The following RANBP3 variants were observed in gnomAD, a reference collection of about 807,000 sequenced individuals.
RANBP3 encodes the protein ran-binding protein 3.
Under a neutral mutation model 77.3 loss-of-function variants are expected in RANBP3, and 14 were observed. That is an observed-to-expected ratio of 0.18 (90% CI 0.12 to 0.28). The LOEUF (loss-of-function observed/expected upper bound fraction) is 0.28. Among genes scored for constraint, RANBP3 ranks in the 10% least tolerant of loss-of-function variants. The probability of loss-of-function intolerance (pLI) is 1.00; values close to 1 mark genes in which losing one functional copy is unlikely to be tolerated. For synonymous variants in RANBP3, 315 were observed against 312.4 expected (o/e 1.01, Z -0.09); for missense variants, 586 against 752.3 (o/e 0.78, Z 2.59).
At chr19:5,925,036 G>C in intron 10 of RANBP3, 131 bp from the exon 11 acceptor site, 1 of 830,012 alleles carries the variant, frequency 1.2e-6, no homozygotes, top group Non-Finnish European at 2.1e-6. Flanking sequence ...TGCACGGGGT[G>C]GCGTGTCAGA....
At chr19:5,930,304 C>T (rs763944342) in intron 8 of RANBP3, among the ~76,000 whole-genome samples, 7 of 152,248 alleles carry the variant, frequency 4.6e-5, no homozygotes, top group Admixed American at 1.3e-4. Context: ...TAATTGTGGA[C>T]AGCCATTTTC....
Position 5,917,817 on chromosome 19 carries a change from G to A in RANBP3, c.1637C>T (p.Ala546Val). ...EDDSDDDDVL[A>V]PSGATAAGAG... ...ACCAGCTGCGGTGGCCCCTGAAGGA[G>A]CCAGGACATCGTCATCGTCGCTGTC... Residue 546 changes from alanine (A) to valine (V), a missense_variant, in exon 16 of 17, where the codon GCT becomes GTT. Coordinates refer to ENST00000340578, the MANE Select transcript of RANBP3 (RefSeq NM_007322.3). 6.2e-7 allele frequency: 1 copy of A among 1,611,690 alleles called. No individual in the cohort carries two copies. The highest frequency in any genetic ancestry group is 8.5e-7 in the Non-Finnish European group (1 of 1,179,356).
At chr19:5,961,671 T>G (rs2058404048) in intron 1 of RANBP3, among the ~76,000 whole-genome samples, 2 of 152,102 alleles carry the variant, frequency 1.3e-5, no homozygotes. Flanking sequence ...ACGCAGAGGT[T>G]GCAGTGAGCT....
At position 5,958,462 on chromosome 19, in the gene RANBP3, A is replaced by C. The variant is rs78859616; in HGVS notation, c.23-489T>G. On this transcript the variant is annotated intron_variant, in intron 1 of 16. Coordinates refer to ENST00000340578, the MANE Select transcript of RANBP3 (RefSeq NM_007322.3). This position sits in a 1 kb window ranked among gnomAD's most constrained non-coding sequence, Gnocchi z 4.4. ...ATCCTAACGCTCAACCTGGATCTCTAAGTGAGTGCTGGTTGGGAGGAAAGG... is the reference window on the plus strand; with the variant it reads ...ATCCTAACGCTCAACCTGGATCTCTCAGTGAGTGCTGGTTGGGAGGAAAGG... Among the ~76,000 whole-genome samples, 1 of 152,234 alleles carries C rather than the reference A, an allele frequency of 6.6e-6. No homozygotes were observed. The highest frequency in any genetic ancestry group is 1.5e-5 in the Non-Finnish European group (1 of 68,040).
chr19:5,948,926 G>A (rs1233870672), intron 3 of RANBP3, among the ~76,000 whole-genome samples: 1 of 152,180 alleles, frequency 6.6e-6, no homozygotes, highest in African/African-American at 2.4e-5. Context: ...ATCGGGATGT[G>A]GTTTGGTCTT....
chr19:5,927,126 C>T (rs2057921766), intron 9 of RANBP3, among the ~76,000 whole-genome samples: 1 of 152,116 alleles, frequency 6.6e-6, no homozygotes, highest in Non-Finnish European at 1.5e-5. Flanking sequence ...AAAGAAGCTT[C>T]TTGCCAGTGG....
intron 2 of RANBP3, among the ~76,000 whole-genome samples, chr19:5,957,080 C>T (rs1057476032): frequency 3.3e-5 from 5 of 151,772 alleles, no homozygotes; most frequent in East Asian, 3.9e-4. Context: ...TGGGGAGTGC[C>T]GTCGCTGGGC....
chr19:5,966,732 T>C (rs1209866705), intron 1 of RANBP3, among the ~76,000 whole-genome samples: 1 of 152,204 alleles, frequency 6.6e-6, no homozygotes, highest in Non-Finnish European at 1.5e-5. Flanking sequence ...ATCTGGAATA[T>C]CTTTGCTTTT....
chr19:5,962,883 TC>T (rs2058421536), intron 1 of RANBP3, among the ~76,000 whole-genome samples: 1 of 152,052 alleles, frequency 6.6e-6, no homozygotes, highest in African/African-American at 2.4e-5. Flanking sequence ...TCGTAGCCAT[TC>T]CCTATCACCA....
chr19:5,977,327 T>A (rs1219261052), intron 1 of RANBP3, among the ~76,000 whole-genome samples: 1 of 151,860 alleles, frequency 6.6e-6, no homozygotes, highest in Non-Finnish European at 1.5e-5. Context: ...TGTAACCTTG[T>A]CAAAAACACT....
At chr19:5,954,885 G>A (rs762029139) in intron 2 of RANBP3, among the ~76,000 whole-genome samples, 47 of 152,334 alleles carry the variant, frequency 3.1e-4, no homozygotes, top group Middle Eastern at 6.8e-3. Flanking sequence ...CCCAGTGGCA[G>A]AAAGGACTCT....
intron 1 of RANBP3, among the ~76,000 whole-genome samples, chr19:5,966,438 T>C (rs1381059289): frequency 6.6e-6 from 1 of 152,232 alleles, no homozygotes; most frequent in Non-Finnish European, 1.5e-5. Flanking sequence ...CTGCTTTCTG[T>C]CTTCATCTGT....
At chr19:5,944,667 TGTGCAG>T (rs1432963084) in intron 3 of RANBP3, among the ~76,000 whole-genome samples, 1 of 152,256 alleles carries the variant, frequency 6.6e-6, no homozygotes, top group African/African-American at 2.4e-5. Flanking sequence ...CCAAATGCTC[TGTGCAG>T]GTCACTGTCT....
chr19:5,917,552 T>C lies in RANBP3; in HGVS notation c.*58A>G. On this transcript the variant is annotated 3_prime_UTR_variant, in exon 17 of 17. Transcript: ENST00000340578. ...ACGCTGCCGGTGGGGTGGGGGCGGG[T>C]GGGCGGGTGGATAGACGGACAAAGC... The C allele has an allele frequency of 7.6e-7, 1 of 1,318,718 alleles. No homozygotes were observed. The highest frequency in any genetic ancestry group is 3.0e-5 in the East Asian group (1 of 33,708). The allele number at this position is 1,318,718 out of a possible 1,614,324, so 81.7% of individuals were successfully genotyped here.
At chr19:5,932,392 G>A (rs1024362091) in intron 7 of RANBP3, 60 bp downstream of exon 7, 6 of 1,417,778 alleles carry the variant, frequency 4.2e-6, no homozygotes, top group South Asian at 1.2e-5. Context: ...TCCCGGGTGC[G>A]ACTTCGGGAA....
rs1476398892 is a variant in RANBP3 at position 5,942,206 on chromosome 19, T to C, written c.283-371A>G. Reference sequence around the variant, plus strand: ...AGCTGAAAAGCGACCCTCTCCACCCTTGAGGGCAGCGGACTTGTGTAAAAT... The same window carrying C: ...AGCTGAAAAGCGACCCTCTCCACCCCTGAGGGCAGCGGACTTGTGTAAAAT... On this transcript the variant is annotated intron_variant, in intron 3 of 16. Transcript: ENST00000340578. Among the ~76,000 whole-genome samples, 5 of 152,114 alleles carry C rather than the reference T, an allele frequency of 3.3e-5. No individual in the cohort carries two copies. In the East Asian group the frequency reaches 9.6e-4, roughly 29 times the overall value.
chr19:5,929,640 C>T (rs2057961393), intron 8 of RANBP3, among the ~76,000 whole-genome samples: 2 of 152,214 alleles, frequency 1.3e-5, no homozygotes, highest in South Asian at 4.1e-4. Context: ...ACCAGGAGTT[C>T]CCCCATGGGT....
chr19:5,966,044 T>G (rs1178934833), intron 1 of RANBP3: 1 of 152,206 alleles, frequency 6.6e-6, no homozygotes, highest in East Asian at 1.9e-4. Flanking sequence ...CACGCTCCAC[T>G]CCGCTGCTGG....
At position 5,959,533 on chromosome 19, in the gene RANBP3, G is replaced by A. The variant is rs1432705215; in HGVS notation, c.23-1560C>T. Among the ~76,000 whole-genome samples, 3 of 152,004 alleles carry A rather than the reference G, an allele frequency of 2.0e-5. No homozygotes were observed. The highest frequency in any genetic ancestry group is 6.5e-5 in the Admixed American group (1 of 15,280). ...GCAAACACTGGAGTGAGTGGCGTGC[G>A]CGAGACCCAGGGGCTACAAGGGAGC... On this transcript the variant is annotated intron_variant, in intron 1 of 16. Transcript: ENST00000340578. The surrounding 1 kb of genome is among the most constrained non-coding windows in gnomAD (Gnocchi z 5.1).
Sources: gnomAD v4.1 joint callset for allele counts (sites outside exome capture counted in the v4.1 genomes callset) on GRCh38, gnomAD v4.1.1 for gene constraint, Gnocchi (gnomAD v3.1) non-coding constraint, MANE v1.5 for transcripts, NCBI Gene and HGNC (gene_info 2026-07-23, HGNC 2026-07-21) for gene names.